Variants in ADAM12 observed in about 807,000 individuals in gnomAD.
ADAM12 encodes the protein ADAM metallopeptidase domain 12.
Under a neutral mutation model 106.4 loss-of-function variants are expected in ADAM12, and 70 were observed. The ratio of observed to expected loss-of-function variants is 0.66; its 90% CI spans 0.54 to 0.80. The LOEUF is 0.80. ADAM12 is among the 30% of genes least tolerant of loss of function. The pLI is 0.00. For synonymous variants in ADAM12, 420 were observed against 433.5 expected (o/e 0.97, Z 0.39); for missense variants, 1,010 against 1,171.9 (o/e 0.86, Z 2.02).
chr10:126,088,904 C>T (rs565657898), intron 11 of ADAM12, among the ~76,000 whole-genome samples: 17 of 152,274 alleles, frequency 1.1e-4, no homozygotes, highest in African/African-American at 3.4e-4. Flanking sequence ...TCTCCTTAAA[C>T]GTGGTCATTT....
At chr10:126,280,491 C>T (rs1029303874) in intron 2 of ADAM12, among the ~76,000 whole-genome samples, 3 of 152,206 alleles carry the variant, frequency 2.0e-5, no homozygotes, top group Admixed American at 6.5e-5. Flanking sequence ...GTGGCTACCA[C>T]TGTGGGACAG....
intron 18 of ADAM12, among the ~76,000 whole-genome samples, chr10:126,040,855 C>G (rs1954149444): frequency 6.6e-6 from 1 of 152,150 alleles, no homozygotes; most frequent in Non-Finnish European, 1.5e-5. Context: ...CCCAGGGTTG[C>G]TCAAGCCAGA....
chr10:126,184,322 T>G (rs750235243), intron 3 of ADAM12, among the ~76,000 whole-genome samples: 12 of 152,226 alleles, frequency 7.9e-5, no homozygotes, highest in Admixed American at 3.9e-4. Flanking sequence ...AATTAACCTC[T>G]CATAGGTTTT....
At chr10:126,363,504 C>G (rs1282239018) in intron 1 of ADAM12, among the ~76,000 whole-genome samples, 1 of 152,156 alleles carries the variant, frequency 6.6e-6, no homozygotes, top group African/African-American at 2.4e-5. Context: ...TGGGATATGG[C>G]TTTTCCACTC....
At chr10:126,213,287 A>T (rs1957933516) in intron 3 of ADAM12, among the ~76,000 whole-genome samples, 1 of 152,216 alleles carries the variant, frequency 6.6e-6, no homozygotes, top group Admixed American at 6.5e-5. Context: ...TTGACAACAT[A>T]AATTTAGATC....
chr10:126,231,820 G>A (rs991817650), intron 3 of ADAM12, among the ~76,000 whole-genome samples: 1 of 152,136 alleles, frequency 6.6e-6, no homozygotes, highest in African/African-American at 2.4e-5. Context: ...GATACAAAGG[G>A]ATGAACGGGA....
intron 11 of ADAM12, among the ~76,000 whole-genome samples, chr10:126,092,213 A>G (rs1328664582): frequency 6.6e-6 from 1 of 152,172 alleles, no homozygotes; most frequent in East Asian, 1.9e-4. Flanking sequence ...AGGCTAATGT[A>G]TTTGTGCCCA....
chr10:126,160,511 A>G (rs893357743), intron 3 of ADAM12, among the ~76,000 whole-genome samples: 2 of 152,092 alleles, frequency 1.3e-5, no homozygotes, highest in Admixed American at 1.3e-4. Context: ...AAGCAATATG[A>G]CCTGATATCG....
chr10:126,152,716 G>A (rs115139698), intron 4 of ADAM12, among the ~76,000 whole-genome samples: 2,332 of 151,776 alleles, frequency 0.015, 60 homozygotes, highest in African/African-American at 0.053. Flanking sequence ...AGCAGATCAT[G>A]TTTTCATTTT....
intron 10 of ADAM12, among the ~76,000 whole-genome samples, chr10:126,096,568 A>T (rs1472529047): frequency 6.6e-6 from 1 of 152,214 alleles, no homozygotes. Flanking sequence ...TGCTACATTG[A>T]TTCCTTCCTC....
At chr10:126,023,410 G>A (rs12416422) in intron 21 of ADAM12, among the ~76,000 whole-genome samples, 3,281 of 152,158 alleles carry the variant, frequency 0.022, 100 homozygotes, top group East Asian at 0.11. Flanking sequence ...TGGAGAGGGA[G>A]TAGTAACTGA....
intron 3 of ADAM12, among the ~76,000 whole-genome samples, chr10:126,213,282 A>G (rs1223388162): frequency 6.6e-6 from 1 of 152,340 alleles, no homozygotes; most frequent in South Asian, 2.1e-4. Context: ...TTCACTTGAC[A>G]ACATAAATTT....
chr10:126,259,532 C>T lies in ADAM12; in HGVS notation c.260+19383G>A, dbSNP rs565918770. ...TTGTTCACTCAAAAGGTCTCAGGCA[C>T]CTGATCTGGTCTGACACAGCAAAAT... is the stretch of plus-strand genomic sequence containing the variant. On this transcript the variant is annotated intron_variant, in intron 3 of 22. Transcript: ENST00000448723. Among the ~76,000 whole-genome samples, 15 of 152,306 alleles carry T rather than the reference C, an allele frequency of 9.8e-5. No homozygotes were observed. The South Asian group carries it at 3.1e-3, about 32-fold the overall frequency.
At position 126,267,410 on chromosome 10, in the gene ADAM12, A is replaced by G. The variant is rs138863543; in HGVS notation, c.260+11505T>C. ...TAATATATAATGAAATAATTATACAACTCACCATCATGTAGAATCAGTGGG... is the reference window on the plus strand; with the variant it reads ...TAATATATAATGAAATAATTATACAGCTCACCATCATGTAGAATCAGTGGG... On this transcript the variant is annotated intron_variant, in intron 3 of 22. Transcript: ENST00000448723. 3.9e-3 allele frequency among the ~76,000 whole-genome samples: 601 copies of G among 152,184 alleles called. 3 individuals are homozygous for G. The highest frequency in any genetic ancestry group is 4.7e-3 in the Non-Finnish European group (319 of 68,012).
chr10:126,177,255 G>GAAA (rs951191447), intron 3 of ADAM12, among the ~76,000 whole-genome samples: 1 of 143,388 alleles, frequency 7.0e-6, no homozygotes, highest in African/African-American at 2.5e-5. Context: ...ATTGTAAATG[G>GAAA]AAAAAAAAAA....
At chr10:126,241,542 C>A (rs892056406) in intron 3 of ADAM12, among the ~76,000 whole-genome samples, 4 of 152,216 alleles carry the variant, frequency 2.6e-5, no homozygotes, top group African/African-American at 7.2e-5. Context: ...TTCCAACAAG[C>A]CTTATGCCTC....
intron 3 of ADAM12, among the ~76,000 whole-genome samples, chr10:126,194,440 C>T (rs1015419045): frequency 6.6e-6 from 1 of 152,174 alleles, no homozygotes; most frequent in African/African-American, 2.4e-5. Flanking sequence ...GGTAATCTGG[C>T]TGAGCCAGTG....
intron 3 of ADAM12, among the ~76,000 whole-genome samples, chr10:126,272,570 C>T (rs944594169): frequency 6.6e-6 from 1 of 152,182 alleles, no homozygotes; most frequent in Non-Finnish European, 1.5e-5. Context: ...AGAAGGGAAG[C>T]TGAGAGCTGG....
chr10:126,092,373 G>A (rs1048273187), intron 11 of ADAM12, among the ~76,000 whole-genome samples: 3 of 152,160 alleles, frequency 2.0e-5, no homozygotes, highest in Admixed American at 1.3e-4. Flanking sequence ...CCAGCATAGC[G>A]ATCAGGGCTT....
Sources: gnomAD v4.1 joint callset for allele counts (sites outside exome capture counted in the v4.1 genomes callset) on GRCh38, gnomAD v4.1.1 for gene constraint, MANE v1.5 for transcripts, NCBI Gene and HGNC (gene_info 2026-07-23, HGNC 2026-07-21) for gene names.